Variants in TMEM161B observed in about 807,000 individuals in gnomAD.
The protein encoded by TMEM161B is transmembrane protein 161B.
In TMEM161B, 34 loss-of-function variants were observed where a neutral mutation model predicts 61.8. The ratio of observed to expected loss-of-function variants is 0.55; its 90% confidence interval spans 0.42 to 0.73. The LOEUF is 0.73. TMEM161B is among the 30% of genes least tolerant of loss of function. The pLI, the probability that TMEM161B is intolerant of heterozygous loss-of-function variation, is 0.00. For missense variants in TMEM161B, 456 were observed against 558.5 expected, an observed-to-expected ratio of 0.82 and a Z score of 1.85; for synonymous variants, 167 against 192.8, an observed-to-expected ratio of 0.87 and a Z score of 1.11.
rs377554434 is a variant in TMEM161B, at chr5:88,225,860, A to G, written c.198T>C (p.Tyr66=). 2.5e-6 allele frequency: 4 copies of G among 1,598,170 alleles called. No individual in the cohort carries two copies. The highest frequency in any genetic ancestry group is 2.7e-5 in the African/African-American group (2 of 74,324). Reference sequence around the variant, plus strand: ...ATGGCTTACTTTCAATGTGACCATTATATTTCCTATAAAAATCAGACAAGT... The same window carrying G: ...ATGGCTTACTTTCAATGTGACCATTGTATTTCCTATAAAAATCAGACAAGT... ...QKGKTKKDRK[Y]NGHIESKPLT... Residue 66 remains tyrosine, a synonymous_variant, in exon 4 of 12, where the codon TAT becomes TAC. Coordinates refer to ENST00000296595, the MANE Select transcript of TMEM161B (RefSeq NM_153354.5).
Position 88,261,055 on chromosome 5 carries a change from G to A in TMEM161B, c.3+7666C>T, listed in dbSNP as rs190255566. 9.1e-4 allele frequency among the ~76,000 whole-genome samples: 139 copies of A among 152,144 alleles called. 2 individuals are homozygous for A. Among genetic ancestry groups the A allele is most frequent in the Middle Eastern group, 6.8e-3 (2 of 294 alleles). On this transcript the variant is annotated intron_variant, in intron 1 of 11. Coordinates refer to ENST00000296595, the MANE Select transcript of TMEM161B (RefSeq NM_153354.5). ...GACTAAAAATAGGTGGCATATCCTGGAACCAATAAGCAATTATAGCAAGGT... is the reference window on the plus strand; with the variant it reads ...GACTAAAAATAGGTGGCATATCCTGAAACCAATAAGCAATTATAGCAAGGT...
intron 3 of TMEM161B, among the ~76,000 whole-genome samples, chr5:88,227,218 T>C (rs1453823620): frequency 2.0e-5 from 3 of 152,108 alleles, no homozygotes; most frequent in Admixed American, 6.6e-5. Flanking sequence ...ATGTTGAACA[T>C]AGTAGCTATA....
chr5:88,229,757 C>A (rs970632540), intron 2 of TMEM161B, among the ~76,000 whole-genome samples: 1 of 150,648 alleles, frequency 6.6e-6, no homozygotes. Flanking sequence ...CTGTTCCCCC[C>A]GTCCTCAAAA....
At chr5:88,257,374 T>C (rs1387394269) in intron 1 of TMEM161B, among the ~76,000 whole-genome samples, 1 of 152,178 alleles carries the variant, frequency 6.6e-6, no homozygotes, top group Non-Finnish European at 1.5e-5. Flanking sequence ...TTAAATAAAT[T>C]TAATATAAAA....
intron 1 of TMEM161B, among the ~76,000 whole-genome samples, chr5:88,260,799 AT>A (rs1755593081): frequency 6.6e-6 from 1 of 152,164 alleles, no homozygotes; most frequent in African/African-American, 2.4e-5. Flanking sequence ...ATGATTAAGA[AT>A]TTTTTTAATT....
intron 1 of TMEM161B, among the ~76,000 whole-genome samples, chr5:88,265,926 A>G (rs1400724255): frequency 6.6e-6 from 1 of 152,210 alleles, no homozygotes; most frequent in Admixed American, 6.5e-5. Context: ...TAATCTACCT[A>G]TCTTCCACAA....
intron 1 of TMEM161B, among the ~76,000 whole-genome samples, chr5:88,262,052 TAACA>T (rs773004321): frequency 6.6e-5 from 10 of 152,044 alleles, no homozygotes; most frequent in Non-Finnish European, 1.3e-4. Context: ...ATACAAAATA[TAACA>T]AACTCTTAAT....
intron 1 of TMEM161B, among the ~76,000 whole-genome samples, chr5:88,263,811 C>A (rs1755998968): frequency 6.6e-6 from 1 of 152,138 alleles, no homozygotes; most frequent in African/African-American, 2.4e-5. Flanking sequence ...AAAAACCAAC[C>A]TTGAACCAAC....
chr5:88,236,195 A>C (rs1751819622), intron 2 of TMEM161B, among the ~76,000 whole-genome samples: 2 of 152,180 alleles, frequency 1.3e-5, no homozygotes, highest in African/African-American at 4.8e-5. Flanking sequence ...AATCAGAATA[A>C]ATCTGACCAT....
chr5:88,217,773 C>T (rs1252731445), intron 5 of TMEM161B, among the ~76,000 whole-genome samples: 1 of 151,926 alleles, frequency 6.6e-6, no homozygotes, highest in Non-Finnish European at 1.5e-5. Flanking sequence ...CAAAGCTTCC[C>T]TTCAGATTTT....
chr5:88,258,508 T>C (rs1043173430), intron 1 of TMEM161B, among the ~76,000 whole-genome samples: 2 of 152,180 alleles, frequency 1.3e-5, no homozygotes, highest in South Asian at 2.1e-4. Context: ...AAAAATGTCA[T>C]GCTTTCTCTC....
At chr5:88,266,390 A>G (rs1275245288) in intron 1 of TMEM161B, among the ~76,000 whole-genome samples, 2 of 152,252 alleles carry the variant, frequency 1.3e-5, no homozygotes, top group Non-Finnish European at 2.9e-5. Flanking sequence ...AAAGAAATCA[A>G]ACTTAAGCCA....
In TMEM161B at chr5:88,235,171, T is replaced by C. The variant is rs142652955; in HGVS notation, c.107+5642A>G. ...AATATGTAGCAGAAAATATAGAATG[T>C]CCTGACCTAGACTTTATTTTTAAAA... On this transcript the variant is annotated intron_variant, in intron 2 of 11. Transcript: ENST00000296595. Among the ~76,000 whole-genome samples, 163 of 152,290 alleles carry C rather than the reference T, an allele frequency of 1.1e-3. 1 individual carries two copies. The East Asian group carries it at 0.028, about 26-fold the overall frequency.
At chr5:88,199,952 AG>A (rs944833842) in intron 9 of TMEM161B, 3 of 152,084 alleles carry the variant, frequency 2.0e-5, no homozygotes, top group African/African-American at 7.2e-5. Context: ...TCTTATATCT[AG>A]TACCTATCAG....
At chr5:88,240,615 GT>G (rs1170220795) in intron 2 of TMEM161B, among the ~76,000 whole-genome samples, 197 bp downstream of exon 2, 2 of 151,124 alleles carry the variant, frequency 1.3e-5, no homozygotes, top group Non-Finnish European at 3.0e-5. Context: ...GAAGCCAGGA[GT>G]TGAAGAATAG....
At chr5:88,216,484 C>T (rs1747860837) in intron 5 of TMEM161B, among the ~76,000 whole-genome samples, 1 of 152,138 alleles carries the variant, frequency 6.6e-6, no homozygotes, top group African/African-American at 2.4e-5. Flanking sequence ...AAAATCTGCT[C>T]TTGGAGTTAG....
intron 3 of TMEM161B, among the ~76,000 whole-genome samples, chr5:88,226,754 G>T (rs1046929964): frequency 2.0e-5 from 3 of 152,104 alleles, no homozygotes; most frequent in African/African-American, 7.2e-5. Context: ...GTATCTTTTT[G>T]TAACTATAAG....
intron 2 of TMEM161B, among the ~76,000 whole-genome samples, chr5:88,231,533 T>C (rs415449): frequency 0.74 from 112,968 of 152,156 alleles, 42,046 homozygotes; most frequent in African/African-American, 0.78. Context: ...TACTTCAAAG[T>C]TAGTACAGTT....
At chr5:88,254,365 GATC>G (rs899483305) in intron 1 of TMEM161B, among the ~76,000 whole-genome samples, 1 of 152,038 alleles carries the variant, frequency 6.6e-6, no homozygotes, top group African/African-American at 2.4e-5. Flanking sequence ...AAAATTCTCA[GATC>G]ATCTCCTAAG....
Sources: gnomAD v4.1 joint callset for allele counts (sites outside exome capture counted in the v4.1 genomes callset) on GRCh38, gnomAD v4.1.1 for gene constraint, MANE v1.5 for transcripts, NCBI Gene and HGNC (gene_info 2026-07-23, HGNC 2026-07-21) for gene names.